Variants in BTBD9 observed in about 807,000 individuals in gnomAD.
BTBD9 encodes the protein BTB/POZ domain-containing protein 9.
In BTBD9, 49 loss-of-function variants were observed where a neutral mutation model predicts 64.3. The ratio of observed to expected loss-of-function variants is 0.76; its 90% CI spans 0.61 to 0.97. The LOEUF is 0.97. Ranked by LOEUF, BTBD9 falls within the 50% of genes least tolerant of loss-of-function variation. BTBD9 has a pLI of 0.00. For missense variants in BTBD9, 598 were observed against 762.1 expected (o/e 0.78, Z 2.53); for synonymous variants, 260 against 274.7 (o/e 0.95, Z 0.53).
intron 1 of BTBD9, among the ~76,000 whole-genome samples, chr6:38,615,847 T>C (rs1390482313): frequency 2.0e-5 from 3 of 152,148 alleles, no homozygotes; most frequent in Non-Finnish European, 4.4e-5. Context: ...TTCAAATAAC[T>C]GCACTTCACT....
chr6:38,563,860 C>A (rs1160111582), intron 6 of BTBD9, among the ~76,000 whole-genome samples: 1 of 149,372 alleles, frequency 6.7e-6, no homozygotes, highest in African/African-American at 2.5e-5. Flanking sequence ...TGGCTCACTG[C>A]AAGCTCCGCC....
At chr6:38,598,404 G>C (rs1484159191) in intron 1 of BTBD9, among the ~76,000 whole-genome samples, 1 of 151,978 alleles carries the variant, frequency 6.6e-6, no homozygotes, top group African/African-American at 2.4e-5. Flanking sequence ...CCCAAACACA[G>C]GTCTCATATT....
intron 6 of BTBD9, among the ~76,000 whole-genome samples, chr6:38,440,380 G>A (rs1052768664): frequency 6.6e-6 from 1 of 152,112 alleles, no homozygotes; most frequent in African/African-American, 2.4e-5. Flanking sequence ...CAAGGAGCAG[G>A]GTGTTAACAA....
intron 6 of BTBD9, among the ~76,000 whole-genome samples, chr6:38,573,587 T>C (rs915406016): frequency 6.6e-6 from 1 of 152,162 alleles, no homozygotes; most frequent in Non-Finnish European, 1.5e-5. Context: ...GGCATAACCT[T>C]GAGAACGTTG....
chr6:38,591,499 T>C (rs988512074), intron 4 of BTBD9, among the ~76,000 whole-genome samples: 2 of 152,300 alleles, frequency 1.3e-5, no homozygotes, highest in Middle Eastern at 6.8e-3. Context: ...ATTTCCACAA[T>C]GAAATTAAAA....
chr6:38,207,602 G>A (rs561906395), intron 9 of BTBD9, among the ~76,000 whole-genome samples: 3 of 151,948 alleles, frequency 2.0e-5, no homozygotes, highest in Non-Finnish European at 2.9e-5. Flanking sequence ...CAGCCTGGGC[G>A]ACAGAGCGAG....
chr6:38,528,354 A>G (rs1473529035), intron 6 of BTBD9, among the ~76,000 whole-genome samples: 1 of 152,166 alleles, frequency 6.6e-6, no homozygotes, highest in Non-Finnish European at 1.5e-5. Context: ...CTAGACCACA[A>G]GGAATTAAAT....
At chr6:38,602,820 G>T (rs927284761) in intron 1 of BTBD9, among the ~76,000 whole-genome samples, 1 of 151,404 alleles carries the variant, frequency 6.6e-6, no homozygotes. Context: ...CAACTTGAAG[G>T]CAAGGACATA....
chr6:38,537,123 A>T (rs1434505863), intron 6 of BTBD9, among the ~76,000 whole-genome samples: 2 of 152,192 alleles, frequency 1.3e-5, no homozygotes, highest in African/African-American at 2.4e-5. Context: ...ACAAAAATTA[A>T]AAATAATTTT....
At chr6:38,409,149 C>T (rs1767298071) in intron 6 of BTBD9, among the ~76,000 whole-genome samples, 1 of 152,112 alleles carries the variant, frequency 6.6e-6, no homozygotes, top group African/African-American at 2.4e-5. Flanking sequence ...ACTTGGGAGG[C>T]GGAGGCAGGA....
intron 9 of BTBD9, among the ~76,000 whole-genome samples, chr6:38,251,013 C>T (rs1019872375): frequency 1.1e-4 from 17 of 151,044 alleles, no homozygotes; most frequent in Admixed American, 9.2e-4. Context: ...ACCCAGGAGG[C>T]ACAGGTTGCA....
Position 38,277,661 on chromosome 6 carries a change from A to G in BTBD9, c.1454+10611T>C, listed in dbSNP as rs533606137. Reference sequence around the variant, plus strand: ...CTACAGAACATTTTTGAAGCTGAGAATAAGAGAAAATATTATTATCATAGT... The same window carrying G: ...CTACAGAACATTTTTGAAGCTGAGAGTAAGAGAAAATATTATTATCATAGT... On this transcript the variant is annotated intron_variant, in intron 8 of 10. Transcript: ENST00000481247. Among the ~76,000 whole-genome samples the G allele has an allele frequency of 9.5e-4, 144 of 152,308 alleles. 1 individual carries two copies. Among genetic ancestry groups the G allele is most frequent in the African/African-American group, 3.4e-3 (142 of 41,562 alleles).
intron 9 of BTBD9, among the ~76,000 whole-genome samples, chr6:38,207,567 G>A (rs1762700640): frequency 6.6e-6 from 1 of 152,166 alleles, no homozygotes; most frequent in Non-Finnish European, 1.5e-5. Context: ...GGGCTGCAGT[G>A]AGCCGTGACT....
rs1400100940 is a variant in BTBD9, at chr6:38,172,378, C to G, written c.*2607G>C. ...GGCTGCCCGGGGACTTTCTGGTAGC[C>G]ACTCACTTGTCCCTGTTCCCTGGAG... On this transcript the variant is annotated 3_prime_UTR_variant, in exon 11 of 11. Coordinates refer to ENST00000481247, the MANE Select transcript of BTBD9 (RefSeq NM_001099272.2). 1 of 152,422 alleles carries G rather than the reference C, an allele frequency of 6.6e-6. No individual in the cohort carries two copies. Among genetic ancestry groups the G allele is most frequent in the Non-Finnish European group, 1.5e-5 (1 of 68,180 alleles). The allele number at this position is 152,422 out of a possible 1,614,324, so 9.4% of individuals were successfully genotyped here. A position where few individuals can be genotyped will look rare whatever the true frequency, so the allele number is the denominator to read the frequency against.
At chr6:38,499,011 A>ATGCCTGTCAGCAAC in intron 6 of BTBD9, among the ~76,000 whole-genome samples, 1 of 152,286 alleles carries the variant, frequency 6.6e-6, no homozygotes, top group East Asian at 1.9e-4. Context: ...AGTCTAAACA[A>ATGCCTGTCAGCAAC]TGCCTGTCAG....
At chr6:38,207,667 C>T (rs1762703740) in intron 9 of BTBD9, among the ~76,000 whole-genome samples, 1 of 151,424 alleles carries the variant, frequency 6.6e-6, no homozygotes, top group Non-Finnish European at 1.5e-5. Flanking sequence ...TAAAATTACA[C>T]TGAGACCTTG....
chr6:38,468,248 T>C (rs544730402), intron 6 of BTBD9, among the ~76,000 whole-genome samples: 83 of 152,312 alleles, frequency 5.4e-4, no homozygotes, highest in African/African-American at 2.0e-3. Flanking sequence ...CAAGATCAAC[T>C]ATCATGTAAA....
chr6:38,402,605 A>T (rs1264604746), intron 6 of BTBD9, among the ~76,000 whole-genome samples: 6 of 152,216 alleles, frequency 3.9e-5, no homozygotes, highest in Non-Finnish European at 8.8e-5. Context: ...GGACAACTGG[A>T]TGTCCAATAC....
At chr6:38,517,328 T>G (rs1773076471) in intron 6 of BTBD9, among the ~76,000 whole-genome samples, 2 of 152,216 alleles carry the variant, frequency 1.3e-5, no homozygotes, top group African/African-American at 4.8e-5. Context: ...AATACCAAAG[T>G]AATGCTACAG....
Sources: gnomAD v4.1 joint callset for allele counts (sites outside exome capture counted in the v4.1 genomes callset) on GRCh38, gnomAD v4.1.1 for gene constraint, MANE v1.5 for transcripts, NCBI Gene and HGNC (gene_info 2026-07-23, HGNC 2026-07-21) for gene names.